SPOCK3: variants seen among roughly 807,000 people sequenced by gnomAD.
SPOCK3 encodes SPARC (osteonectin), cwcv and kazal like domains proteoglycan 3.
SPOCK3 carries 30 observed loss-of-function variants against 56.6 expected under a neutral mutation model. The observed-to-expected ratio is 0.53, with a 90% CI of 0.40 to 0.72. The LOEUF (loss-of-function observed/expected upper bound fraction) is 0.72, where lower values mean the gene tolerates loss of function less well. Ranked by LOEUF, SPOCK3 falls within the 30% of genes least tolerant of loss-of-function variation. The pLI is 0.00. For missense variants in SPOCK3, 527 were observed against 530.0 expected (o/e 0.99, Z 0.06); for synonymous variants, 196 against 183.3 (o/e 1.07, Z -0.56).
intron 4 of SPOCK3, among the ~76,000 whole-genome samples, chr4:166,975,593 T>G (rs1745858124): frequency 6.6e-6 from 1 of 152,176 alleles, no homozygotes; most frequent in Non-Finnish European, 1.5e-5. Flanking sequence ...ATATTTAGAT[T>G]TTATATATTC....
At chr4:167,054,623 G>T (rs1561165359) in intron 3 of SPOCK3, among the ~76,000 whole-genome samples, 1 of 152,138 alleles carries the variant, frequency 6.6e-6, no homozygotes, top group Non-Finnish European at 1.5e-5. Context: ...AGCTCATTTT[G>T]CAGCAGATTA....
At chr4:166,763,615 A>T (rs1737543826) in intron 7 of SPOCK3, among the ~76,000 whole-genome samples, 5 of 152,118 alleles carry the variant, frequency 3.3e-5, no homozygotes, top group Admixed American at 3.3e-4. Flanking sequence ...ACATAGGTAG[A>T]ATTAAATGTA....
chr4:167,194,933 TG>T (rs1371275578), intron 2 of SPOCK3, among the ~76,000 whole-genome samples: 1 of 152,138 alleles, frequency 6.6e-6, no homozygotes, highest in African/African-American at 2.4e-5. Flanking sequence ...AAGATACCTG[TG>T]TTGGCAGTAC....
intron 4 of SPOCK3, among the ~76,000 whole-genome samples, chr4:166,922,810 T>C (rs1738648069): frequency 6.6e-6 from 1 of 152,198 alleles, no homozygotes; most frequent in Non-Finnish European, 1.5e-5. Flanking sequence ...ATAAGTTGAA[T>C]TTAATCTCAG....
At chr4:167,124,216 T>G (rs2150369109) in intron 2 of SPOCK3, among the ~76,000 whole-genome samples, 1 of 152,326 alleles carries the variant, frequency 6.6e-6, no homozygotes, top group South Asian at 2.1e-4. Flanking sequence ...CTTTTTAACC[T>G]GTCACTCCCC....
chr4:167,053,058 CAT>C (rs1754388237), intron 3 of SPOCK3, among the ~76,000 whole-genome samples: 1 of 152,062 alleles, frequency 6.6e-6, no homozygotes, highest in South Asian at 2.1e-4. Context: ...TGCAAAAGGA[CAT>C]ATCAGGCTGT....
At position 167,000,451 on chromosome 4, in the gene SPOCK3, G is replaced by A; in HGVS notation, c.248C>T (p.Ala83Val). The A allele has an allele frequency of 6.3e-7, 1 of 1,578,774 alleles. No individual in the cohort carries two copies. Among genetic ancestry groups the A allele is most frequent in the South Asian group, 1.1e-5 (1 of 87,380 alleles). Residue 83 changes from alanine (A) to valine (V), a missense_variant, in exon 4 of 11, where the codon GCT becomes GTT. Physicochemically the swap from Ala to Val is moderately conservative, Grantham distance 64. Coordinates refer to ENST00000357545, the MANE Select transcript of SPOCK3 (RefSeq NM_001040159.2). ...TTTCATCTTTAAGCATGGATCCTTA[G>A]CTGGATCTAAAGCTAAAAAAATTGC... is the stretch of plus-strand genomic sequence containing the variant. ...GKPFDQALDPAKDPCLKMKCS... is the reference protein window; with the variant it reads ...GKPFDQALDPVKDPCLKMKCS...
rs143542373 is a variant in SPOCK3 at position 167,154,483 on chromosome 4, G to A, written c.189+79502C>T. Among the ~76,000 whole-genome samples the A allele has an allele frequency of 5.3e-5, 8 of 152,144 alleles. No homozygotes were observed. The East Asian group carries it at 1.5e-3, about 29-fold the overall frequency. Reference sequence around the variant, plus strand: ...GTTAGGGGAAGGAAAAATAATAGCTGGCTGCAATGCTAAAAGATTATTTTA... The same window carrying A: ...GTTAGGGGAAGGAAAAATAATAGCTAGCTGCAATGCTAAAAGATTATTTTA... On this transcript the variant is annotated intron_variant, in intron 2 of 10. Coordinates refer to ENST00000357545, the MANE Select transcript of SPOCK3 (RefSeq NM_001040159.2).
At chr4:166,872,226 A>G (rs1301084967) in intron 6 of SPOCK3, among the ~76,000 whole-genome samples, 1 of 152,120 alleles carries the variant, frequency 6.6e-6, no homozygotes, top group Non-Finnish European at 1.5e-5. Flanking sequence ...GAGTAATAGA[A>G]TATGTAACAG....
At chr4:167,017,172 C>T (rs778598508) in intron 3 of SPOCK3, among the ~76,000 whole-genome samples, 6 of 152,020 alleles carry the variant, frequency 3.9e-5, no homozygotes, top group Admixed American at 6.6e-5. Flanking sequence ...GGGCAATGCT[C>T]GGAAGAGTGA....
chr4:166,990,222 T>G (rs898923335), intron 4 of SPOCK3, among the ~76,000 whole-genome samples: 1 of 152,132 alleles, frequency 6.6e-6, no homozygotes. Context: ...TATCAATGAT[T>G]ACAAATTACA....
At chr4:166,876,966 A>G (rs918486351) in intron 6 of SPOCK3, among the ~76,000 whole-genome samples, 8 of 152,070 alleles carry the variant, frequency 5.3e-5, no homozygotes, top group Admixed American at 5.2e-4. Flanking sequence ...GTAGAGAAAT[A>G]AGATAAATAT....
chr4:167,053,886 C>A lies in SPOCK3; in HGVS notation c.235+8606G>T, dbSNP rs568497095. ...GCCCCTAATTCAACATCCCCAAAAA[C>A]GTGGAGGAGCAGGAGAAACACATCA... On this transcript the variant is annotated intron_variant, in intron 3 of 10. Coordinates refer to ENST00000357545, the MANE Select transcript of SPOCK3 (RefSeq NM_001040159.2). Among the ~76,000 whole-genome samples, 100 of 152,028 alleles carry A rather than the reference C, an allele frequency of 6.6e-4. 1 individual carries two copies. Among genetic ancestry groups the A allele is most frequent in the African/African-American group, 2.3e-3 (97 of 41,470 alleles).
intron 3 of SPOCK3, among the ~76,000 whole-genome samples, chr4:167,026,078 C>T (rs1751673762): frequency 6.6e-6 from 1 of 152,082 alleles, no homozygotes; most frequent in Admixed American, 6.6e-5. Context: ...GGTGACAGGA[C>T]ATTTTCAGCT....
intron 2 of SPOCK3, among the ~76,000 whole-genome samples, chr4:167,071,152 G>C (rs994578021): frequency 6.6e-6 from 1 of 151,958 alleles, no homozygotes. Context: ...GTACTGGTTA[G>C]TTTTAAATTG....
At chr4:167,203,283 G>C (rs2110942843) in intron 2 of SPOCK3, among the ~76,000 whole-genome samples, 1 of 151,922 alleles carries the variant, frequency 6.6e-6, no homozygotes, top group Non-Finnish European at 1.5e-5. Context: ...TTGTATAATA[G>C]CTTCTACATA....
intron 4 of SPOCK3, among the ~76,000 whole-genome samples, chr4:166,987,645 A>G (rs1336494881): frequency 6.6e-6 from 1 of 152,200 alleles, no homozygotes; most frequent in Non-Finnish European, 1.5e-5. Context: ...ATAACAAAAA[A>G]CTAGACAATA....
At chr4:166,997,292 C>T (rs534648267) in intron 4 of SPOCK3, among the ~76,000 whole-genome samples, 1 of 152,098 alleles carries the variant, frequency 6.6e-6, no homozygotes, top group South Asian at 2.1e-4. Context: ...CCTGCACATT[C>T]TGCACATGTA....
intron 3 of SPOCK3, among the ~76,000 whole-genome samples, chr4:167,024,256 T>G (rs1751480647): frequency 6.6e-6 from 1 of 152,044 alleles, no homozygotes; most frequent in Non-Finnish European, 1.5e-5. Context: ...CCCTGACGTT[T>G]TCCAGCTGAA....
Sources: gnomAD v4.1 joint callset for allele counts (sites outside exome capture counted in the v4.1 genomes callset) on GRCh38, gnomAD v4.1.1 for gene constraint, MANE v1.5 for transcripts, NCBI Gene and HGNC (gene_info 2026-07-23, HGNC 2026-07-21) for gene names.